Variants in COL16A1 observed in about 807,000 individuals in gnomAD.
COL16A1 encodes the protein collagen alpha-1(XVI) chain.
A neutral mutation model predicts 266.3 loss-of-function variants in COL16A1; 189 were observed. The observed-to-expected ratio is 0.71, with a 90% CI of 0.63 to 0.80. The LOEUF is 0.80. Ranked by LOEUF, COL16A1 falls within the 30% of genes least tolerant of loss-of-function variation. COL16A1 has a pLI of 0.00. For missense variants in COL16A1, 1,928 were observed against 2,122.4 expected (o/e 0.91, Z 1.80); for synonymous variants, 740 against 782.3 (o/e 0.95, Z 0.90).
In COL16A1 at chr1:31,684,159, C is replaced by A. The variant is rs34770879; in HGVS notation, c.2233G>T (p.Gly745Cys). The A allele has an allele frequency of 9.7e-6, 15 of 1,548,438 alleles. No homozygotes were observed. The highest frequency in any genetic ancestry group is 2.4e-5 in the South Asian group (2 of 83,354). ...TDMAGRPGQP[G>C]PKGEQGPEGV... Reference sequence around the variant, plus strand: ...TCGGGGCCCTGCTCTCCTTTGGGGCCGGGCTGCCCAGGCCGTCCTGCCATG... The same window carrying A: ...TCGGGGCCCTGCTCTCCTTTGGGGCAGGGCTGCCCAGGCCGTCCTGCCATG... The change falls in exon 32 of 71, where the codon GGC (glycine) becomes TGC (cysteine). Residue 745 changes from glycine to cysteine, a missense_variant. Coordinates refer to ENST00000373672, the MANE Select transcript of COL16A1 (RefSeq NM_001856.4).
rs1264185767 is a variant in COL16A1 at position 31,661,404 on chromosome 1, C to G, written c.3771+10G>C. ...AGATAACCTGCTTGGCAGAGGTCAC[C>G]AGCCCTTACCTTAGGTCCTGGGAGG... On this transcript the variant is annotated intron_variant, in intron 60 of 70. Coordinates refer to ENST00000373672, the MANE Select transcript of COL16A1 (RefSeq NM_001856.4). 6.2e-7 allele frequency: 1 copy of G among 1,614,022 alleles called. No individual in the cohort carries two copies. The highest frequency in any genetic ancestry group is 1.7e-5 in the Admixed American group (1 of 60,032).
rs542165791 is a variant in COL16A1 at position 31,679,935 on chromosome 1, C to T, written c.2671-84G>A. On this transcript the variant is annotated intron_variant, in intron 40 of 70. Transcript: ENST00000373672. ...AGCGCGGGGCTGCGTGGGGAGGCGG[C>T]TGGCTGGGGTGCGTGGCCCTGCGGG... 235 of 1,550,112 alleles carry T rather than the reference C, an allele frequency of 1.5e-4. No homozygotes were observed. In the African/African-American group the frequency reaches 1.8e-3, roughly 12 times the overall value.
In COL16A1 at chr1:31,656,139, G is replaced by C; in HGVS notation, c.4101+261C>G. On this transcript the variant is annotated intron_variant, in intron 66 of 70. Transcript: ENST00000373672. This position sits in a 1 kb window ranked among gnomAD's most constrained non-coding sequence, Gnocchi z 4.2. ...GGCCTGGAATGTGAGCAGGAGCAAG[G>C]GAGTGCTCGGGAAATGGAAACAATG... 2 of 573,608 alleles carry C rather than the reference G, an allele frequency of 3.5e-6. No homozygotes were observed. Among genetic ancestry groups the C allele is most frequent in the Non-Finnish European group, 6.1e-6 (2 of 329,302 alleles). 35.5% of individuals were successfully genotyped at this position (573,608 alleles called of 1,614,324 possible). A position where few individuals can be genotyped will look rare whatever the true frequency, so the allele number is the denominator to read the frequency against.
Position 31,656,265 on chromosome 1 carries a change from G to T in COL16A1, c.4101+135C>A. 1 of 1,456,342 alleles carries T rather than the reference G, an allele frequency of 6.9e-7. No homozygotes were observed. Among genetic ancestry groups the T allele is most frequent in the Non-Finnish European group, 9.3e-7 (1 of 1,078,110 alleles). 90.2% of individuals were successfully genotyped at this position (1,456,342 alleles called of 1,614,324 possible). A position where few individuals can be genotyped will look rare whatever the true frequency, so the allele number is the denominator to read the frequency against. ...GTGAGAAATTTTCAGACACTATCCTGCTCCAAGTTCTGCATTTTTGCCCCC... is the reference window on the plus strand; with the variant it reads ...GTGAGAAATTTTCAGACACTATCCTTCTCCAAGTTCTGCATTTTTGCCCCC... On this transcript the variant is annotated intron_variant, in intron 66 of 70. Coordinates refer to ENST00000373672, the MANE Select transcript of COL16A1 (RefSeq NM_001856.4). This position sits in a 1 kb window ranked among gnomAD's most constrained non-coding sequence, Gnocchi z 4.2.
At chr1:31,679,577 A>G in intron 42 of COL16A1, 55 bp downstream of exon 42, 1 of 1,614,078 alleles carries the variant, frequency 6.2e-7, no homozygotes, top group Non-Finnish European at 8.5e-7. Context: ...GGGAGCAGCC[A>G]TCCTGACCCA....
intron 2 of COL16A1, among the ~76,000 whole-genome samples, chr1:31,700,637 G>GC (rs1300515975): frequency 6.6e-6 from 1 of 152,182 alleles, no homozygotes; most frequent in Non-Finnish European, 1.5e-5. Context: ...AGTTGTAGGT[G>GC]CCCATGCCAC....
rs1643458881 is a variant in COL16A1, at chr1:31,679,672, A to G, written c.2732T>C (p.Ile911Thr). 2.5e-6 allele frequency: 4 copies of G among 1,614,152 alleles called. No individual in the cohort carries two copies. The highest frequency in any genetic ancestry group is 3.4e-6 in the Non-Finnish European group (4 of 1,180,032). Residue 911 changes from isoleucine to threonine, a missense_variant, in exon 42 of 71, where the codon ATT (isoleucine) becomes ACT (threonine). Transcript: ENST00000373672. The stretch of plus-strand genomic sequence containing the variant: ...TCCAGGGGGGCCTGGTGGTCCGGGA[A>G]TACCTGGTGGACCCTGAGGGAGAGA... ...WQPGPQGPPG[I>T]PGPPGPPGVP... is the part of the protein sequence containing the mutation.
rs912974770 is a variant in COL16A1, at chr1:31,691,213, C to A, written c.1412G>T (p.Gly471Val). The A allele has an allele frequency of 1.4e-5, 22 of 1,613,856 alleles. No individual in the cohort carries two copies. The highest frequency in any genetic ancestry group is 1.7e-5 in the Non-Finnish European group (20 of 1,179,934). ...CTTGTCTCCCTTGGGGCCTGGTGGG[C>A]CACCTGGATCCCCCTGAGGGCAGAA... ...GLPGTPGDPG[G>V]PPGPKGDKGS... The change falls in exon 20 of 71, where the codon GGC becomes GTC. Residue 471 changes from glycine to valine, a missense_variant. This residue lies in a region of COL16A1 where 1,552 missense variants were observed against 1,637.2 expected (regional missense o/e 0.95). Transcript: ENST00000373672.
At chr1:31,691,103 C>G in intron 20 of COL16A1, 85 bp downstream of exon 20, 1 of 1,552,362 alleles carries the variant, frequency 6.4e-7, no homozygotes, top group East Asian at 2.3e-5. Flanking sequence ...ACTTGCTTCC[C>G]CTGTGGGAAG....
chr1:31,669,074 T>C (rs953168166), intron 49 of COL16A1, among the ~76,000 whole-genome samples: 2 of 152,056 alleles, frequency 1.3e-5, no homozygotes, highest in Non-Finnish European at 2.9e-5. Flanking sequence ...CTCAGGAGGA[T>C]ACCCTTCAAG....
chr1:31,673,626 C>A (rs1642931633), intron 44 of COL16A1, among the ~76,000 whole-genome samples: 1 of 152,262 alleles, frequency 6.6e-6, no homozygotes, highest in Non-Finnish European at 1.5e-5. Context: ...ATAAGCCCTG[C>A]ACATTATCAC....
Position 31,672,849 on chromosome 1 carries a change from G to A in COL16A1, c.2860-9C>T. The A allele has an allele frequency of 3.7e-6, 6 of 1,613,056 alleles. No homozygotes were observed. The highest frequency in any genetic ancestry group is 5.1e-6 in the Non-Finnish European group (6 of 1,179,354). On this transcript the variant is annotated splice_polypyrimidine_tract_variant and intron_variant, in intron 44 of 70. Transcript: ENST00000373672. ...CAGTCCCCGCAGATACTCTGATCAG[G>A]GAGTGGGGAGAGGAGTGGGGCCTGG...
At position 31,679,661 on chromosome 1, in the gene COL16A1, G is replaced by A. The variant is rs1643457642; in HGVS notation, c.2743C>T (p.Pro915Ser). The A allele has an allele frequency of 3.7e-6, 6 of 1,614,164 alleles. No individual in the cohort carries two copies. Among genetic ancestry groups the A allele is most frequent in the Non-Finnish European group, 3.4e-6 (4 of 1,180,040 alleles). The change falls in exon 42 of 71, where the codon CCA becomes TCA. Residue 915 changes from proline to serine, a missense_variant. Pro to Ser is a moderately conservative substitution (Grantham distance 74). Around this residue, in one of 2 missense-constraint regions of COL16A1, gnomAD observed 1,552 missense variants for 1,637.2 expected, o/e 0.95. Coordinates refer to ENST00000373672, the MANE Select transcript of COL16A1 (RefSeq NM_001856.4). ...PQGPPGIPGP[P>S]GPPGVPGLQG... Reference sequence around the variant, plus strand: ...AGCCCAGGTACTCCAGGGGGGCCTGGTGGTCCGGGAATACCTGGTGGACCC... The same window carrying A: ...AGCCCAGGTACTCCAGGGGGGCCTGATGGTCCGGGAATACCTGGTGGACCC...
At position 31,686,032 on chromosome 1, in the gene COL16A1, C is replaced by T. The variant is rs752834826; in HGVS notation, c.1884+59G>A. ...CCAGAGGGTTCGAAGTCGAGCAAGA[C>T]GAGTGTCTATCTAGGAAGCTCACCC... On this transcript the variant is annotated intron_variant, in intron 28 of 70. Transcript: ENST00000373672. 1.7e-5 allele frequency: 28 copies of T among 1,603,690 alleles called. 1 individual carries two copies. Among genetic ancestry groups the T allele is most frequent in the Middle Eastern group, 3.4e-4 (2 of 5,816 alleles).
intron 37 of COL16A1, 81 bp from the exon 38 acceptor site, chr1:31,681,148 G>A (rs1643611637): frequency 2.0e-6 from 3 of 1,516,840 alleles, no homozygotes; most frequent in African/African-American, 2.8e-5. Flanking sequence ...AGGGGTGTAG[G>A]ACAAACAGAA....
In COL16A1 at chr1:31,665,252, C is replaced by T. The variant is rs777353813; in HGVS notation, c.3493-18G>A. The stretch of plus-strand genomic sequence containing the variant: ...GGGGGACCCTGTATCAACAAAGGGG[C>T]AGGCAGGAATGAAAGTGGGGCTGGA... On this transcript the variant is annotated intron_variant, in intron 55 of 70. Transcript: ENST00000373672. 1.3e-6 allele frequency: 2 copies of T among 1,585,448 alleles called. No individual in the cohort carries two copies. Among genetic ancestry groups the T allele is most frequent in the Non-Finnish European group, 1.7e-6 (2 of 1,172,454 alleles).
At chr1:31,665,387 C>T in intron 55 of COL16A1, 153 bp from the exon 56 acceptor site, 1 of 1,414,644 alleles carries the variant, frequency 7.1e-7, no homozygotes, top group Non-Finnish European at 9.5e-7. Flanking sequence ...GCCTGGCCTG[C>T]TGGGCTGGGG....
chr1:31,703,113 C>A (rs936519659), intron 1 of COL16A1, among the ~76,000 whole-genome samples: 1 of 152,182 alleles, frequency 6.6e-6, no homozygotes, highest in African/African-American at 2.4e-5. Flanking sequence ...ACAAAGCTAT[C>A]TGCACACAGG....
rs772173579 is a variant in COL16A1 at position 31,657,811 on chromosome 1, C to A, written c.4020+677G>T. ...CCTGTTAGGGTTCACCTGTCTGGAA[C>A]TTTTGAGAGAGGTAGATTTGCAGAG... is the stretch of plus-strand genomic sequence containing the variant. On this transcript the variant is annotated intron_variant, in intron 64 of 70. Coordinates refer to ENST00000373672, the MANE Select transcript of COL16A1 (RefSeq NM_001856.4). The surrounding 1 kb of genome is among the most constrained non-coding windows in gnomAD (Gnocchi z 6.4). Among the ~76,000 whole-genome samples, 167 of 152,232 alleles carry A rather than the reference C, an allele frequency of 1.1e-3. No homozygotes were observed. The highest frequency in any genetic ancestry group is 2.1e-3 in the Non-Finnish European group (144 of 68,042).
Sources: gnomAD v4.1 joint callset for allele counts (sites outside exome capture counted in the v4.1 genomes callset) on GRCh38, gnomAD v4.1.1 for gene constraint, gnomAD v4.1.1 regional missense constraint, Gnocchi (gnomAD v3.1) non-coding constraint, MANE v1.5 for transcripts, NCBI Gene and HGNC (gene_info 2026-07-23, HGNC 2026-07-21) for gene names.